ZNF804B: variants seen among roughly 807,000 people sequenced by gnomAD.
The protein encoded by ZNF804B is zinc finger protein 804B.
A neutral mutation model predicts 101.4 loss-of-function variants in ZNF804B; 80 were observed. That is an observed-to-expected ratio of 0.79 (90% CI 0.66 to 0.95). The LOEUF (loss-of-function observed/expected upper bound fraction) is 0.95, where lower values mean the gene tolerates loss of function less well. ZNF804B is among the 40% of genes least tolerant of loss of function. ZNF804B has a pLI of 0.00. For missense variants in ZNF804B, 1,673 were observed against 1,561.9 expected (o/e 1.07, Z -1.20); for synonymous variants, 622 against 558.8 (o/e 1.11, Z -1.59).
chr7:89,117,238 C>G (rs1790324882), intron 1 of ZNF804B, among the ~76,000 whole-genome samples: 1 of 152,146 alleles, frequency 6.6e-6, no homozygotes, highest in South Asian at 2.1e-4. Flanking sequence ...AGAAATATGA[C>G]AGAATAAATT....
rs796739158 is a variant in ZNF804B at position 89,171,362 on chromosome 7, CTCTTCCTCT to C, written c.109-46760_109-46752del. ...CTTCTTCTTCTTCTTCTTCTTCCTC[CTCTTCCTCT>C]TCTTCCTCTTCTTCCTCTTCTTCCT... On this transcript the variant is annotated intron_variant, in intron 1 of 3. Transcript: ENST00000333190. 3.6e-3 allele frequency among the ~76,000 whole-genome samples: 312 copies of C among 86,734 alleles called. 2 individuals are homozygous for C. The highest frequency in any genetic ancestry group is 0.017 in the East Asian group (56 of 3,220). 56.9% of individuals were successfully genotyped at this position (86,734 alleles called of 152,430 possible). A position where few individuals can be genotyped will look rare whatever the true frequency, so the allele number is the denominator to read the frequency against.
chr7:89,068,797 G>C (rs1487004730), intron 1 of ZNF804B, among the ~76,000 whole-genome samples: 4 of 152,224 alleles, frequency 2.6e-5, no homozygotes, highest in Non-Finnish European at 5.9e-5. Context: ...AAGCACCAGT[G>C]TTTTGTTAGA....
intron 1 of ZNF804B, among the ~76,000 whole-genome samples, chr7:89,211,927 C>T (rs2115680199): frequency 6.6e-6 from 1 of 152,228 alleles, no homozygotes; most frequent in Admixed American, 6.5e-5. Flanking sequence ...TTGTAAATTA[C>T]TTTGAGCAGT....
At chr7:89,123,395 C>G (rs1047131675) in intron 1 of ZNF804B, among the ~76,000 whole-genome samples, 2 of 152,030 alleles carry the variant, frequency 1.3e-5, no homozygotes, top group African/African-American at 2.4e-5. Flanking sequence ...TGCACCTCCT[C>G]CAATGATCAG....
intron 1 of ZNF804B, among the ~76,000 whole-genome samples, chr7:88,928,883 C>G (rs1191661040): frequency 2.0e-5 from 3 of 151,988 alleles, no homozygotes; most frequent in Non-Finnish European, 4.4e-5. Context: ...CTAATCATTA[C>G]AAAATCTTCT....
At chr7:89,076,907 A>G (rs542236147) in intron 1 of ZNF804B, among the ~76,000 whole-genome samples, 21 of 152,266 alleles carry the variant, frequency 1.4e-4, no homozygotes, top group African/African-American at 5.1e-4. Flanking sequence ...AATGAACCTC[A>G]GGGCAATGGG....
At chr7:88,857,239 GA>G (rs1791574368) in intron 1 of ZNF804B, among the ~76,000 whole-genome samples, 1 of 152,076 alleles carries the variant, frequency 6.6e-6, no homozygotes, top group South Asian at 2.1e-4. Context: ...AAAGCTAGCA[GA>G]AGGCAAGAAA....
At chr7:89,030,320 T>C (rs745683331) in intron 1 of ZNF804B, among the ~76,000 whole-genome samples, 3 of 152,198 alleles carry the variant, frequency 2.0e-5, no homozygotes, top group Admixed American at 6.6e-5. Flanking sequence ...TCAAGGACCA[T>C]AGGAGAATAA....
At chr7:89,188,453 C>T (rs1441918010) in intron 1 of ZNF804B, among the ~76,000 whole-genome samples, 1 of 151,992 alleles carries the variant, frequency 6.6e-6, no homozygotes, top group Non-Finnish European at 1.5e-5. Flanking sequence ...CCTGCAATGA[C>T]CTCTAAGTGT....
chr7:88,794,141 A>G lies in ZNF804B; in HGVS notation c.108+34057A>G, dbSNP rs751854781. 5.3e-6 allele frequency: 8 copies of G among 1,506,478 alleles called. No homozygotes were observed. The South Asian group carries it at 8.0e-5, about 15-fold the overall frequency. 93.3% of individuals were successfully genotyped at this position (1,506,478 alleles called of 1,614,324 possible). On this transcript the variant is annotated intron_variant, in intron 1 of 3. Transcript: ENST00000333190. The stretch of plus-strand genomic sequence containing the variant: ...AATGTTTTTTTTATTTAAGTAGCAC[A>G]AACTCCTTAAGAGACATGGGCACAT...
chr7:89,058,690 TTTTGTTTG>T (rs1295903199), intron 1 of ZNF804B, among the ~76,000 whole-genome samples: 1 of 151,456 alleles, frequency 6.6e-6, no homozygotes, highest in Non-Finnish European at 1.5e-5. Flanking sequence ...CAGTGAAGGG[TTTTGTTTG>T]TTTGTTTGTT....
intron 1 of ZNF804B, among the ~76,000 whole-genome samples, chr7:88,923,685 C>A (rs1435109429): frequency 1.3e-5 from 2 of 152,004 alleles, no homozygotes; most frequent in African/African-American, 4.8e-5. Flanking sequence ...ATTCTGTCAT[C>A]TTTCTCATTT....
At chr7:88,763,785 A>G (rs1789936907) in intron 1 of ZNF804B, among the ~76,000 whole-genome samples, 1 of 152,056 alleles carries the variant, frequency 6.6e-6, no homozygotes, top group South Asian at 2.1e-4. Context: ...ATAGATAGAT[A>G]CACATTGCTA....
chr7:89,131,366 G>A (rs1790544172), intron 1 of ZNF804B, among the ~76,000 whole-genome samples: 1 of 151,954 alleles, frequency 6.6e-6, no homozygotes, highest in African/African-American at 2.4e-5. Context: ...GATTTTAGAA[G>A]ACAGATATTA....
At chr7:89,110,035 C>T (rs1428343243) in intron 1 of ZNF804B, among the ~76,000 whole-genome samples, 6 of 151,970 alleles carry the variant, frequency 3.9e-5, no homozygotes, top group African/African-American at 1.4e-4. Context: ...AAGAGACCAC[C>T]AGTTTGTTAT....
intron 1 of ZNF804B, among the ~76,000 whole-genome samples, chr7:88,785,190 C>T (rs1485773234): frequency 3.6e-4 from 55 of 152,120 alleles, no homozygotes; most frequent in Admixed American, 3.6e-3. Flanking sequence ...ATCTCACTCC[C>T]TGTGAAACCC....
chr7:88,856,281 T>A (rs1439768004), intron 1 of ZNF804B, among the ~76,000 whole-genome samples: 1 of 152,168 alleles, frequency 6.6e-6, no homozygotes, highest in Admixed American at 6.5e-5. Flanking sequence ...TTTTATTTCC[T>A]TGAGCAGTGG....
chr7:89,311,783 AAT>A (rs1790653357), intron 2 of ZNF804B, among the ~76,000 whole-genome samples: 1 of 152,204 alleles, frequency 6.6e-6, no homozygotes, highest in African/African-American at 2.4e-5. Context: ...AACAATAATC[AAT>A]AGAGATATTT....
intron 2 of ZNF804B, among the ~76,000 whole-genome samples, chr7:89,246,444 C>T (rs1789448584): frequency 6.6e-6 from 1 of 152,058 alleles, no homozygotes; most frequent in African/African-American, 2.4e-5. Context: ...ACTTCATGGA[C>T]ATAGACTGTG....
Sources: gnomAD v4.1 joint callset for allele counts (sites outside exome capture counted in the v4.1 genomes callset) on GRCh38, gnomAD v4.1.1 for gene constraint, MANE v1.5 for transcripts, NCBI Gene and HGNC (gene_info 2026-07-23, HGNC 2026-07-21) for gene names.